Variants in PADI4 observed in about 807,000 individuals in gnomAD.
PADI4 encodes the protein protein-arginine deiminase type-4.
In PADI4, 62 loss-of-function variants were observed where a neutral mutation model predicts 75.0. The observed-to-expected ratio is 0.83, with a 90% CI of 0.67 to 1.02. The LOEUF (loss-of-function observed/expected upper bound fraction) is 1.02, where lower values mean the gene tolerates loss of function less well. PADI4 is among the 50% of genes least tolerant of loss of function. The pLI is 0.00. For synonymous variants in PADI4, 361 were observed against 348.1 expected (o/e 1.04, Z -0.41); for missense variants, 845 against 850.5 (o/e 0.99, Z 0.08).
Position 17,336,140 on chromosome 1 carries a change from T to A in PADI4, c.341-19T>A, listed in dbSNP as rs776192878. The A allele has an allele frequency of 5.0e-6, 8 of 1,596,968 alleles. No homozygotes were observed. The highest frequency in any genetic ancestry group is 6.9e-6 in the Non-Finnish European group (8 of 1,164,324). On this transcript the variant is annotated intron_variant, in intron 3 of 15. Transcript: ENST00000375448. ...CCCGGACCCTCACCAACCTCTCCTC[T>A]TACTTGATGGGATTTCAGAAATCTC...
Position 17,356,124 on chromosome 1 carries a change from G to A in PADI4, c.1452G>A (p.Arg484=). The change falls in exon 12 of 16, where the codon AGG becomes AGA. Residue 484 remains arginine, a synonymous_variant. Transcript: ENST00000375448. This position sits in a 1 kb window ranked among gnomAD's most constrained non-coding sequence, Gnocchi z 4.1. The part of the protein sequence containing the change: ...EFLSFVPAPD[R]KGFRLLLASP... ...TGAGCTTTGTGCCAGCACCCGACAG[G>A]AAGGTACAGTCTTGGGGGCTGCCTC... 6.2e-7 allele frequency: 1 copy of A among 1,614,202 alleles called. No individual in the cohort carries two copies. Among genetic ancestry groups the A allele is most frequent in the South Asian group, 1.1e-5 (1 of 91,086 alleles).
Position 17,358,848 on chromosome 1 carries a change from GC to G in PADI4, c.1570del (p.Gln524ArgfsTer3). 6.2e-7 allele frequency: 1 copy of G among 1,600,838 alleles called. No homozygotes were observed. The highest frequency in any genetic ancestry group is 1.7e-5 in the Admixed American group (1 of 58,746). On this transcript the variant is annotated frameshift_variant, in exon 14 of 16. Coordinates refer to ENST00000375448, the MANE Select transcript of PADI4 (RefSeq NM_012387.3). LOFTEE classifies it high-confidence loss of function. ...TTTTCTCCATGACAGAAAAAAAACA[GC>G]AGAAAATAAAGAACATTCTGTCAAA... Reference protein sequence around the residue: ...LFEGIKKKKQQKIKNILSNKT... With the variant: ...LFEGIKKKKQXKIKNILSNKT...
At chr1:17,362,980 C>T (rs559718998) in intron 15 of PADI4, among the ~76,000 whole-genome samples, 1 of 152,226 alleles carries the variant, frequency 6.6e-6, no homozygotes, top group African/African-American at 2.4e-5. Flanking sequence ...GCACACCTGG[C>T]TCATTCTTGT....
intron 1 of PADI4, among the ~76,000 whole-genome samples, chr1:17,329,209 C>G (rs1190395060): frequency 6.6e-6 from 1 of 151,178 alleles, no homozygotes; most frequent in South Asian, 2.1e-4. Context: ...AGTTGAAAAT[C>G]TGTGTATACA....
Position 17,342,366 on chromosome 1 carries a change from C to T in PADI4, c.899C>T (p.Pro300Leu). The T allele has an allele frequency of 6.2e-7, 1 of 1,613,946 alleles. No homozygotes were observed. Among genetic ancestry groups the T allele is most frequent in the Non-Finnish European group, 8.5e-7 (1 of 1,179,846 alleles). ...CGCGTGGCGCCCTGGATCATGACCC[C>T]CAACACCCAGCCCCCGCAGGAGGTG... ...VFRVAPWIMTPNTQPPQEVYA... is the reference protein window; with the variant it reads ...VFRVAPWIMTLNTQPPQEVYA... The change falls in exon 8 of 16, where the codon CCC becomes CTC. Residue 300 changes from proline to leucine, a missense_variant. By Grantham distance (98) the Pro-to-Leu change is moderately conservative. Coordinates refer to ENST00000375448, the MANE Select transcript of PADI4 (RefSeq NM_012387.3).
intron 1 of PADI4, among the ~76,000 whole-genome samples, chr1:17,311,931 A>AC (rs1020369876): frequency 6.6e-6 from 1 of 152,022 alleles, no homozygotes; most frequent in Admixed American, 6.6e-5. Flanking sequence ...GAAAATTAAC[A>AC]CCCCTTCCTG....
At chr1:17,326,981 GCTCACTGCAAC>G (rs2074127317) in intron 1 of PADI4, among the ~76,000 whole-genome samples, 2 of 147,094 alleles carry the variant, frequency 1.4e-5, no homozygotes, top group South Asian at 4.3e-4. Flanking sequence ...TGCAATATTG[GCTCACTGCAAC>G]CTCTGCCTCC....
intron 11 of PADI4, among the ~76,000 whole-genome samples, chr1:17,355,079 AG>A (rs1341783448): frequency 1.3e-5 from 2 of 152,234 alleles, no homozygotes; most frequent in African/African-American, 4.8e-5. Context: ...AGGAACTGTT[AG>A]GGTGACCAGG....
intron 13 of PADI4, among the ~76,000 whole-genome samples, chr1:17,357,526 A>G (rs2074780451): frequency 6.6e-6 from 1 of 152,182 alleles, no homozygotes; most frequent in South Asian, 2.1e-4. Context: ...TTTTTATCAC[A>G]CAGTAGATTC....
chr1:17,352,072 A>G (rs74058725), intron 10 of PADI4, among the ~76,000 whole-genome samples: 2,528 of 73,356 alleles, frequency 0.034, 180 homozygotes, highest in African/African-American at 0.15. Context: ...GGAGGTGGGA[A>G]GAGAGGCAGT....
intron 1 of PADI4, among the ~76,000 whole-genome samples, chr1:17,313,274 C>A (rs1249531537): frequency 1.3e-5 from 2 of 151,428 alleles, no homozygotes; most frequent in African/African-American, 4.9e-5. Flanking sequence ...CTGAAGTGGG[C>A]AGATCACTTG....
chr1:17,341,825 G>A (rs1439797398), intron 6 of PADI4, 118 bp from the exon 7 acceptor site: 1 of 715,074 alleles, frequency 1.4e-6, no homozygotes, highest in Non-Finnish European at 2.3e-6. Context: ...GCTGCAAGGG[G>A]TTCTCTGATG....
chr1:17,349,976 G>A lies in PADI4; in HGVS notation c.1155+1928G>A, dbSNP rs1208555517. Among the ~76,000 whole-genome samples, 12 of 123,358 alleles carry A rather than the reference G, an allele frequency of 9.7e-5. 3 individuals are homozygous for A. The highest frequency in any genetic ancestry group is 2.2e-4 in the Non-Finnish European group (12 of 55,254). The allele number at this position is 123,358 out of a possible 152,430, so 80.9% of individuals were successfully genotyped here. ...TTGCAGTGCTGTTCCCTGTTCACGG[G>A]GCTGGCTGCTTCTCAGCCTTCAGGT... On this transcript the variant is annotated intron_variant, in intron 10 of 15. Coordinates refer to ENST00000375448, the MANE Select transcript of PADI4 (RefSeq NM_012387.3).
rs941374246 is a variant in PADI4 at position 17,324,415 on chromosome 1, C to A, written c.93-6554C>A. ...GTTGGTTTTATGTTGTGAATATATTCTCCTTACATTGTGCTTGTCTTTTTA... is the reference window on the plus strand; with the variant it reads ...GTTGGTTTTATGTTGTGAATATATTATCCTTACATTGTGCTTGTCTTTTTA... On this transcript the variant is annotated intron_variant, in intron 1 of 15. Transcript: ENST00000375448. Among the ~76,000 whole-genome samples the A allele has an allele frequency of 2.6e-5, 4 of 152,088 alleles. No homozygotes were observed. In the South Asian group the frequency reaches 8.3e-4, roughly 32 times the overall value.
At chr1:17,360,105 C>A (rs918649166) in intron 15 of PADI4, among the ~76,000 whole-genome samples, 1 of 152,132 alleles carries the variant, frequency 6.6e-6, no homozygotes, top group African/African-American at 2.4e-5. Context: ...GCCTGGCTAA[C>A]ATGGTGACAC....
rs1314396128 is a variant in PADI4 at position 17,339,958 on chromosome 1, A to G, written c.652+145A>G. The G allele has an allele frequency of 7.4e-6, 6 of 815,234 alleles. No homozygotes were observed. The African/African-American group carries it at 1.0e-4, about 14-fold the overall frequency. 50.5% of individuals were successfully genotyped at this position (815,234 alleles called of 1,614,324 possible). On this transcript the variant is annotated intron_variant, in intron 6 of 15. Transcript: ENST00000375448. ...GACGCAGCAGTGGGCAAGACAGACG[A>G]CATCTCGTCTACTACCTTCCAGTTG...
chr1:17,336,032 G>A (rs1012921442), intron 3 of PADI4, 127 bp from the exon 4 acceptor site: 14 of 659,898 alleles, frequency 2.1e-5, no homozygotes, highest in Admixed American at 1.2e-4. Flanking sequence ...TCTGAAGGAC[G>A]GGAAGAGGGG....
intron 1 of PADI4, among the ~76,000 whole-genome samples, chr1:17,313,498 C>CAAAAAAAAA (rs71014933): frequency 8.8e-5 from 6 of 68,376 alleles, no homozygotes; most frequent in African/African-American, 1.3e-4. Context: ...AAGACCTTGT[C>CAAAAAAAAA]AAAAAAAAAA....
chr1:17,313,082 C>T (rs549253001), intron 1 of PADI4, among the ~76,000 whole-genome samples: 3 of 151,974 alleles, frequency 2.0e-5, no homozygotes, highest in Admixed American at 6.5e-5. Flanking sequence ...CCCAGCTACT[C>T]GCGAGGGTGA....
Sources: allele counts gnomAD v4.1 joint callset (sites outside exome capture counted in the v4.1 genomes callset), GRCh38; gene constraint gnomAD v4.1.1; non-coding constraint Gnocchi (gnomAD v3.1); transcripts MANE v1.5; gene names NCBI Gene and HGNC (gene_info 2026-07-23, HGNC 2026-07-21).